The following SGCZ variants were observed in gnomAD, a reference collection of about 807,000 sequenced individuals.
SGCZ encodes sarcoglycan zeta.
In SGCZ, 40 loss-of-function variants were observed where a neutral mutation model predicts 41.3. That is an observed-to-expected ratio of 0.97 (90% CI 0.75 to 1.26). The LOEUF is 1.26. Among genes scored for constraint, SGCZ ranks in the 50% most tolerant of loss-of-function variants. SGCZ has a pLI of 0.00. For synonymous variants in SGCZ, 206 were observed against 137.5 expected (o/e 1.50, Z -3.49); for missense variants, 552 against 369.8 (o/e 1.49, Z -4.04).
intron 1 of SGCZ, among the ~76,000 whole-genome samples, chr8:14,762,501 G>A (rs56106741): frequency 7.2e-5 from 11 of 151,960 alleles, no homozygotes; most frequent in African/African-American, 2.7e-4. Context: ...TTAGCACAGC[G>A]CCCAACATAT....
intron 1 of SGCZ, among the ~76,000 whole-genome samples, chr8:14,955,422 T>C (rs1002451233): frequency 7.2e-5 from 11 of 152,214 alleles, no homozygotes; most frequent in African/African-American, 2.2e-4. Flanking sequence ...GCCTCTTTCC[T>C]AGTGCCTATT....
intron 1 of SGCZ, among the ~76,000 whole-genome samples, chr8:14,646,595 G>A (rs1377012213): frequency 2.0e-5 from 3 of 151,912 alleles, no homozygotes; most frequent in Admixed American, 6.6e-5. Context: ...TTGCTGGATT[G>A]GATGGTAGTT....
At chr8:15,145,601 G>A (rs892185444) in intron 1 of SGCZ, among the ~76,000 whole-genome samples, 2 of 152,124 alleles carry the variant, frequency 1.3e-5, no homozygotes. Context: ...CAAGTAGCTT[G>A]GACTACAGGT....
intron 2 of SGCZ, among the ~76,000 whole-genome samples, chr8:14,505,430 T>A (rs1227275732): frequency 6.6e-6 from 1 of 152,090 alleles, no homozygotes; most frequent in Non-Finnish European, 1.5e-5. Context: ...GCGCAGACAA[T>A]CCATTGTTTC....
At chr8:14,607,375 A>C (rs998622364) in intron 1 of SGCZ, among the ~76,000 whole-genome samples, 6 of 152,126 alleles carry the variant, frequency 3.9e-5, no homozygotes, top group Non-Finnish European at 8.8e-5. Context: ...ACTTTTATGA[A>C]TCTCTTTTCT....
At chr8:14,243,440 C>A (rs1237216869) in intron 3 of SGCZ, among the ~76,000 whole-genome samples, 1 of 152,124 alleles carries the variant, frequency 6.6e-6, no homozygotes, top group Non-Finnish European at 1.5e-5. Flanking sequence ...TTTTTCATAT[C>A]CAGTGTTACT....
At chr8:15,211,734 T>C (rs548371725) in intron 1 of SGCZ, among the ~76,000 whole-genome samples, 1 of 152,290 alleles carries the variant, frequency 6.6e-6, no homozygotes, top group Middle Eastern at 3.4e-3. Context: ...AATATTCTTA[T>C]ATCTTCAACC....
In SGCZ at chr8:14,151,409, G is replaced by C. The variant is rs181277995; in HGVS notation, c.547+13171C>G. The stretch of plus-strand genomic sequence containing the variant: ...ACATTTACAGATAATTTATGCTGAA[G>C]TTTAAAAATGATTCCTGAAAGATAC... On this transcript the variant is annotated intron_variant, in intron 5 of 7. Transcript: ENST00000382080. Among the ~76,000 whole-genome samples the C allele has an allele frequency of 2.0e-5, 3 of 151,712 alleles. 1 individual carries two copies. Among genetic ancestry groups the C allele is most frequent in the Admixed American group, 1.3e-4 (2 of 15,220 alleles).
At chr8:14,257,068 T>A (rs907477978) in intron 3 of SGCZ, among the ~76,000 whole-genome samples, 3 of 152,158 alleles carry the variant, frequency 2.0e-5, no homozygotes, top group African/African-American at 7.2e-5. Flanking sequence ...TGGTGGCTCA[T>A]GCCTCTAATC....
rs538301477 is a variant in SGCZ, at chr8:14,391,457, A to G, written c.235-67253T>C. Among the ~76,000 whole-genome samples the G allele has an allele frequency of 3.9e-5, 6 of 152,256 alleles. No homozygotes were observed. The South Asian group carries it at 1.2e-3, about 32-fold the overall frequency. On this transcript the variant is annotated intron_variant, in intron 2 of 7. Transcript: ENST00000382080. Reference sequence around the variant, plus strand: ...GATTCCATATGTATCAAAAAAGATTAATGTTGTAACCCAGATTTTGTATTC... The same window carrying G: ...GATTCCATATGTATCAAAAAAGATTGATGTTGTAACCCAGATTTTGTATTC...
intron 4 of SGCZ, among the ~76,000 whole-genome samples, chr8:14,225,535 C>A (rs543465117): frequency 4.0e-5 from 6 of 151,826 alleles, no homozygotes; most frequent in African/African-American, 1.4e-4. Context: ...GTAATCATAG[C>A]CAAAAATAAT....
At chr8:14,800,183 G>GT (rs1443966050) in intron 1 of SGCZ, among the ~76,000 whole-genome samples, 3 of 151,968 alleles carry the variant, frequency 2.0e-5, no homozygotes, top group Admixed American at 2.0e-4. Flanking sequence ...CACTATAAAT[G>GT]TTACCTGGTC....
intron 1 of SGCZ, among the ~76,000 whole-genome samples, chr8:14,915,044 T>C (rs77071398): frequency 0.024 from 3,705 of 152,134 alleles, 81 homozygotes; most frequent in Non-Finnish European, 0.04. Context: ...AGTAAAAATA[T>C]TTTTTTTCAG....
intron 1 of SGCZ, among the ~76,000 whole-genome samples, chr8:14,582,120 T>C (rs907807191): frequency 6.6e-6 from 1 of 152,166 alleles, no homozygotes; most frequent in African/African-American, 2.4e-5. Flanking sequence ...CTCTTTCTTG[T>C]AATTTTTAAG....
At chr8:14,216,308 T>C (rs1482811666) in intron 4 of SGCZ, among the ~76,000 whole-genome samples, 1 of 152,170 alleles carries the variant, frequency 6.6e-6, no homozygotes, top group Non-Finnish European at 1.5e-5. Flanking sequence ...CCTTTTCCTA[T>C]ACTTTCTCCT....
At chr8:14,422,337 A>C (rs1799658068) in intron 2 of SGCZ, among the ~76,000 whole-genome samples, 2 of 152,204 alleles carry the variant, frequency 1.3e-5, no homozygotes, top group South Asian at 4.1e-4. Context: ...TTGACTATAC[A>C]ATACATATAT....
At chr8:14,112,623 T>A (rs534412543) in intron 5 of SGCZ, among the ~76,000 whole-genome samples, 1 of 152,266 alleles carries the variant, frequency 6.6e-6, no homozygotes, top group Admixed American at 6.5e-5. Flanking sequence ...AAAATCTAGA[T>A]TAAGCTGGGA....
chr8:14,968,246 G>A (rs945762174), intron 1 of SGCZ, among the ~76,000 whole-genome samples: 2 of 152,020 alleles, frequency 1.3e-5, no homozygotes, highest in Admixed American at 6.6e-5. Flanking sequence ...AACATATAGT[G>A]TACAACACAA....
chr8:14,759,070 G>A (rs1424885802), intron 1 of SGCZ, among the ~76,000 whole-genome samples: 1 of 151,498 alleles, frequency 6.6e-6, no homozygotes, highest in African/African-American at 2.4e-5. Flanking sequence ...AACTTAAAAT[G>A]CAACTGTATG....
Sources: gnomAD v4.1 joint callset for allele counts (sites outside exome capture counted in the v4.1 genomes callset) on GRCh38, gnomAD v4.1.1 for gene constraint, MANE v1.5 for transcripts, NCBI Gene and HGNC (gene_info 2026-07-23, HGNC 2026-07-21) for gene names.